ZNF891: variants seen among roughly 807,000 people sequenced by gnomAD.
ZNF891 encodes the protein zinc finger protein 891.
For synonymous variants in ZNF891, 199 were observed against 209.0 expected, an observed-to-expected ratio of 0.95 and a Z score of 0.41; for missense variants, 589 against 632.7, an observed-to-expected ratio of 0.93 and a Z score of 0.74.
intron 1 of ZNF891, among the ~76,000 whole-genome samples, chr12:133,127,830 C>A (rs1456949162): frequency 6.6e-6 from 1 of 152,042 alleles, no homozygotes; most frequent in Non-Finnish European, 1.5e-5. Context: ...GACTGTATGA[C>A]AGATTAGCCC....
intron 1 of ZNF891, among the ~76,000 whole-genome samples, chr12:133,128,235 C>T (rs1955835543): frequency 6.6e-6 from 1 of 152,118 alleles, no homozygotes; most frequent in Non-Finnish European, 1.5e-5. Context: ...AAGGTGTTTC[C>T]TGTTTTTATT....
In ZNF891 at chr12:133,115,434, A is replaced by G. The variant is rs1955710962; in HGVS notation, c.*4850T>C. On this transcript the variant is annotated 3_prime_UTR_variant, in exon 2 of 2. Coordinates refer to ENST00000537226, the MANE Select transcript of ZNF891 (RefSeq NM_001277291.2). ...AAAAAAAAGATGTGGGATAAAAGGTATAACTCAATTTTTATAAAATGTTTG... is the reference window on the plus strand; with the variant it reads ...AAAAAAAAGATGTGGGATAAAAGGTGTAACTCAATTTTTATAAAATGTTTG... 1 of 146,310 alleles carries G rather than the reference A, an allele frequency of 6.8e-6. No individual in the cohort carries two copies. The highest frequency in any genetic ancestry group is 1.5e-5 in the Non-Finnish European group (1 of 66,352). 9.1% of individuals were successfully genotyped at this position (146,310 alleles called of 1,614,324 possible). A position where few individuals can be genotyped will look rare whatever the true frequency, so the allele number is the denominator to read the frequency against.
In ZNF891 at chr12:133,114,975, G is replaced by A. The variant is rs2137612411; in HGVS notation, c.*5309C>T. Reference sequence around the variant, plus strand: ...CAATATATAAACAATATTATTGATTGCAGTATTGTTATAAAAACTCTGGAG... The same window carrying A: ...CAATATATAAACAATATTATTGATTACAGTATTGTTATAAAAACTCTGGAG... On this transcript the variant is annotated 3_prime_UTR_variant, in exon 2 of 2. Transcript: ENST00000537226. 6.6e-6 allele frequency: 1 copy of A among 152,308 alleles called. No individual in the cohort carries two copies. The highest frequency in any genetic ancestry group is 2.1e-4 in the South Asian group (1 of 4,834). The allele number at this position is 152,308 out of a possible 1,614,324, so 9.4% of individuals were successfully genotyped here.
At position 133,124,532 on chromosome 12, in the gene ZNF891, A is replaced by C. The variant is rs144321950; in HGVS notation, c.-106-2508T>G. 1.4e-3 allele frequency among the ~76,000 whole-genome samples: 218 copies of C among 152,092 alleles called. 6 individuals are homozygous for C. In the East Asian group the frequency reaches 0.037, roughly 26 times the overall value. On this transcript the variant is annotated intron_variant, in intron 1 of 1. Coordinates refer to ENST00000537226, the MANE Select transcript of ZNF891 (RefSeq NM_001277291.2). ...CAGCTACCAGCTACACTGAAGGTAA[A>C]CTAGAATATCAAGAATAATGTGTAA... is the stretch of plus-strand genomic sequence containing the variant.
chr12:133,106,808 A>G lies in ZNF891; in HGVS notation c.*13476T>C, dbSNP rs1048042594. 10 of 589,124 alleles carry G rather than the reference A, an allele frequency of 1.7e-5. 1 individual carries two copies. The highest frequency in any genetic ancestry group is 2.4e-5 in the Non-Finnish European group (9 of 375,766). 36.5% of individuals were successfully genotyped at this position (589,124 alleles called of 1,614,324 possible). A position where few individuals can be genotyped will look rare whatever the true frequency, so the allele number is the denominator to read the frequency against. On this transcript the variant is annotated 3_prime_UTR_variant, in exon 2 of 2. Transcript: ENST00000537226. ...TATTCACCACCCTGGAGAAAAAAAA[A>G]CCCAGGAATATGTGGAAAAGCCATT... is the stretch of plus-strand genomic sequence containing the variant.
Position 133,106,288 on chromosome 12 carries a change from T to G in ZNF891, c.*13996A>C, listed in dbSNP as rs746941486. The G allele has an allele frequency of 3.1e-6, 5 of 1,614,184 alleles. No individual in the cohort carries two copies. Among genetic ancestry groups the G allele is most frequent in the Admixed American group, 3.3e-5 (2 of 60,020 alleles). ...ATGAATGTAATGAATGTAGGAAAGC[T>G]TTCCGTTGTCACTCATTCCTTATTA... On this transcript the variant is annotated 3_prime_UTR_variant, in exon 2 of 2. Transcript: ENST00000537226.
intron 1 of ZNF891, among the ~76,000 whole-genome samples, chr12:133,128,976 G>C (rs971461452): frequency 6.6e-6 from 1 of 150,588 alleles, no homozygotes; most frequent in Non-Finnish European, 1.5e-5. Flanking sequence ...GAGTAATCAA[G>C]AAAAAAAGGC....
chr12:133,105,742 T>C lies in ZNF891; in HGVS notation c.*14542A>G, dbSNP rs1399702744. 1 of 1,614,026 alleles carries C rather than the reference T, an allele frequency of 6.2e-7. No individual in the cohort carries two copies. Among genetic ancestry groups the C allele is most frequent in the East Asian group, 2.2e-5 (1 of 44,892 alleles). ...CCCTGGCTCAACATATGAATATCAGTACTGTGGAGAGGCCCTATGGATGCC... is the reference window on the plus strand; with the variant it reads ...CCCTGGCTCAACATATGAATATCAGCACTGTGGAGAGGCCCTATGGATGCC... On this transcript the variant is annotated 3_prime_UTR_variant, in exon 2 of 2. Transcript: ENST00000537226.
intron 1 of ZNF891, among the ~76,000 whole-genome samples, chr12:133,129,292 G>A (rs1955849873): frequency 6.6e-6 from 1 of 151,858 alleles, no homozygotes; most frequent in African/African-American, 2.4e-5. Context: ...ACCTGAGGTC[G>A]GGAGTTCCAG....
Position 133,116,974 on chromosome 12 carries a change from A to C in ZNF891, c.*3310T>G, listed in dbSNP as rs1359330490. 2 of 152,234 alleles carry C rather than the reference A, an allele frequency of 1.3e-5. No homozygotes were observed. The highest frequency in any genetic ancestry group is 4.8e-5 in the African/African-American group (2 of 41,440). The allele number at this position is 152,234 out of a possible 1,614,324, so 9.4% of individuals were successfully genotyped here. A position where few individuals can be genotyped will look rare whatever the true frequency, so the allele number is the denominator to read the frequency against. ...CTGGAGAAAACCACTCCTTCCTTTG[A>C]AGTTCATACCATCTAGTTATACCAC... On this transcript the variant is annotated 3_prime_UTR_variant, in exon 2 of 2. Coordinates refer to ENST00000537226, the MANE Select transcript of ZNF891 (RefSeq NM_001277291.2).
chr12:133,122,250 T>A (rs879087452), intron 1 of ZNF891: 2 of 1,025,040 alleles, frequency 2.0e-6, no homozygotes, highest in East Asian at 1.7e-4. Context: ...GCAGACCACT[T>A]TGAGCTCTGG....
In ZNF891 at chr12:133,107,709, C is replaced by A. The variant is rs372249275; in HGVS notation, c.*12575G>T. The A allele has an allele frequency of 6.6e-6, 1 of 152,110 alleles. No individual in the cohort carries two copies. The highest frequency in any genetic ancestry group is 1.5e-5 in the Non-Finnish European group (1 of 68,008). 9.4% of individuals were successfully genotyped at this position (152,110 alleles called of 1,614,324 possible). On this transcript the variant is annotated 3_prime_UTR_variant, in exon 2 of 2. Transcript: ENST00000537226. ...TATTCTTCCTGTTTTGTTCCATGTA[C>A]GGTGAAAACCGTTCTTTTGTAAGCA... is the stretch of plus-strand genomic sequence containing the variant.
chr12:133,125,079 T>C (rs1309281265), intron 1 of ZNF891, among the ~76,000 whole-genome samples: 1 of 152,146 alleles, frequency 6.6e-6, no homozygotes, highest in East Asian at 1.9e-4. Flanking sequence ...AGACTTCAAA[T>C]TGTATAAACA....
rs1315881075 is a variant in ZNF891 at position 133,121,137 on chromosome 12, T to C, written c.782A>G (p.Gln261Arg). The change falls in exon 2 of 2, where the codon CAA becomes CGA. Residue 261 changes from glutamine to arginine, a missense_variant. Transcript: ENST00000537226. ...DTTLWHFQRN[Q>R]TVQKEYTYSK... ...ATATGTGTACTCTTTTTGTACTGTT[T>C]GATTTCTCTGAAAATGCCATAGAGT... is the stretch of plus-strand genomic sequence containing the variant. 7.2e-6 allele frequency: 11 copies of C among 1,535,240 alleles called. No individual in the cohort carries two copies. In the East Asian group the frequency reaches 2.4e-4, roughly 34 times the overall value.
Position 133,105,694 on chromosome 12 carries a change from A to G in ZNF891, c.*14590T>C. Reference sequence around the variant, plus strand: ...AAGAAAATCAGGGATGTATTAGGAAAGTAACAGTCTCTCATCAAGAAGCCC... The same window carrying G: ...AAGAAAATCAGGGATGTATTAGGAAGGTAACAGTCTCTCATCAAGAAGCCC... On this transcript the variant is annotated 3_prime_UTR_variant, in exon 2 of 2. Transcript: ENST00000537226. 6.2e-7 allele frequency: 1 copy of G among 1,614,204 alleles called. No homozygotes were observed. Among genetic ancestry groups the G allele is most frequent in the South Asian group, 1.1e-5 (1 of 91,080 alleles).
chr12:133,129,953 C>T (rs1955858826), intron 1 of ZNF891, among the ~76,000 whole-genome samples: 1 of 152,188 alleles, frequency 6.6e-6, no homozygotes, highest in Non-Finnish European at 1.5e-5. Context: ...CGCGCATCCC[C>T]GGCCCCCCAG....
chr12:133,106,008 C>T lies in ZNF891; in HGVS notation c.*14276G>A. 2 of 1,614,104 alleles carry T rather than the reference C, an allele frequency of 1.2e-6. No individual in the cohort carries two copies. The highest frequency in any genetic ancestry group is 1.7e-6 in the Non-Finnish European group (2 of 1,180,034). On this transcript the variant is annotated 3_prime_UTR_variant, in exon 2 of 2. Transcript: ENST00000537226. Reference sequence around the variant, plus strand: ...CAGAGAACGCACACTGGGGAGAAACCTTATGAATGTACTGAGTGTGGAAAG... The same window carrying T: ...CAGAGAACGCACACTGGGGAGAAACTTTATGAATGTACTGAGTGTGGAAAG...
intron 1 of ZNF891, among the ~76,000 whole-genome samples, chr12:133,124,631 C>T (rs577843209): frequency 2.0e-5 from 3 of 151,444 alleles, no homozygotes; most frequent in African/African-American, 7.3e-5. Flanking sequence ...ACAGACTTCT[C>T]AGTTGCAAAG....
At chr12:133,123,759 C>CAACAAAG (rs1555297856) in intron 1 of ZNF891, among the ~76,000 whole-genome samples, 46 of 148,210 alleles carry the variant, frequency 3.1e-4, no homozygotes, top group South Asian at 1.5e-3. Flanking sequence ...ACAACAACAA[C>CAACAAAG]AAAGTTAGGC....
Sources: gnomAD v4.1 joint callset for allele counts (sites outside exome capture counted in the v4.1 genomes callset) on GRCh38, gnomAD v4.1.1 for gene constraint, MANE v1.5 for transcripts, NCBI Gene and HGNC (gene_info 2026-07-23, HGNC 2026-07-21) for gene names.